The following MTERF3 variants were observed in gnomAD, a reference collection of about 807,000 sequenced individuals.
MTERF3 encodes transcription termination factor 3, mitochondrial.
MTERF3 carries 40 observed loss-of-function variants against 40.5 expected under a neutral mutation model. The ratio of observed to expected loss-of-function variants is 0.99; its 90% CI spans 0.77 to 1.29. The LOEUF (loss-of-function observed/expected upper bound fraction) is 1.29. Among genes scored for constraint, MTERF3 ranks in the 50% most tolerant of loss-of-function variants. MTERF3 has a pLI of 0.00. For synonymous variants in MTERF3, 158 were observed against 166.6 expected, an observed-to-expected ratio of 0.95 and a Z score of 0.40; for missense variants, 452 against 478.2, an observed-to-expected ratio of 0.95 and a Z score of 0.51.
At chr8:96,241,443 A>C (rs957505736) in intron 7 of MTERF3, among the ~76,000 whole-genome samples, 1 of 152,046 alleles carries the variant, frequency 6.6e-6, no homozygotes, top group African/African-American at 2.4e-5. Context: ...ACAAAAAAAA[A>C]CTATCACCCA....
chr8:96,253,838 C>A (rs1810231101), intron 3 of MTERF3, among the ~76,000 whole-genome samples: 2 of 143,224 alleles, frequency 1.4e-5, no homozygotes, highest in South Asian at 4.4e-4. Flanking sequence ...AGACCTCCCT[C>A]TATTTAAAAA....
At chr8:96,250,361 CAG>C (rs1810106678) in intron 4 of MTERF3, among the ~76,000 whole-genome samples, 1 of 143,934 alleles carries the variant, frequency 6.9e-6, no homozygotes, top group South Asian at 2.1e-4. Flanking sequence ...AAACGTATTC[CAG>C]TTTCTAAAGA....
At position 96,244,020 on chromosome 8, in the gene MTERF3, G is replaced by C. The variant is rs777379067; in HGVS notation, c.958C>G (p.Pro320Ala). The C allele has an allele frequency of 6.2e-7, 1 of 1,613,740 alleles. No individual in the cohort carries two copies. Residue 320 changes from proline to alanine, a missense_variant, in exon 7 of 8, where the codon CCA becomes GCA. Coordinates refer to ENST00000287025, the MANE Select transcript of MTERF3 (RefSeq NM_015942.5). ...NEIQHMITRIPKMLTANKMKL... is the reference protein window; with the variant it reads ...NEIQHMITRIAKMLTANKMKL... The stretch of plus-strand genomic sequence containing the variant: ...ATTTTATTTGCAGTTAACATCTTTG[G>C]GATTCTGGTGATCATATGTTGAATT...
chr8:96,255,284 G>A (rs1320508168), intron 3 of MTERF3, among the ~76,000 whole-genome samples: 1 of 152,154 alleles, frequency 6.6e-6, no homozygotes, highest in Non-Finnish European at 1.5e-5. Context: ...AATAGAGAGG[G>A]TAGAATCCAT....
intron 2 of MTERF3, 59 bp from the exon 3 acceptor site, chr8:96,257,173 A>G: frequency 3.3e-6 from 5 of 1,501,384 alleles, no homozygotes; most frequent in Non-Finnish European, 4.5e-6. Flanking sequence ...TATTTCTGCA[A>G]AGACCAGCTC....
chr8:96,261,136 C>T (rs1209053735), intron 1 of MTERF3, among the ~76,000 whole-genome samples: 3 of 152,192 alleles, frequency 2.0e-5, no homozygotes, highest in Admixed American at 2.0e-4. Flanking sequence ...AAATAGAGTT[C>T]AAGATTTCTA....
At chr8:96,258,166 G>A (rs1263650454) in intron 2 of MTERF3, 191 bp downstream of exon 2, 3 of 838,556 alleles carry the variant, frequency 3.6e-6, no homozygotes, top group Non-Finnish European at 2.9e-6. Flanking sequence ...AATCTTACAC[G>A]TTAGCCCACA....
At chr8:96,250,255 GACAAAAACT>G (rs1312457344) in intron 4 of MTERF3, among the ~76,000 whole-genome samples, 2 of 147,946 alleles carry the variant, frequency 1.4e-5, no homozygotes, top group African/African-American at 2.5e-5. Flanking sequence ...AAATTGGCCA[GACAAAAACT>G]ACAAAAACCA....
chr8:96,243,848 A>G (rs754114368), intron 7 of MTERF3, 71 bp downstream of exon 7: 39 of 1,492,974 alleles, frequency 2.6e-5, no homozygotes, highest in Non-Finnish European at 3.4e-5. Flanking sequence ...GTACAGAACT[A>G]TGCAGCTGGA....
At chr8:96,245,966 T>C (rs1457725591) in intron 5 of MTERF3, 35 bp from the exon 6 acceptor site, 2 of 1,569,226 alleles carry the variant, frequency 1.3e-6, no homozygotes, top group East Asian at 4.5e-5. Context: ...AGTATTACTA[T>C]ACGTGCATCT....
At chr8:96,250,275 C>T (rs954744462) in intron 4 of MTERF3, among the ~76,000 whole-genome samples, 5 of 149,048 alleles carry the variant, frequency 3.4e-5, no homozygotes, top group Admixed American at 6.7e-5. Flanking sequence ...ACAAAAACCA[C>T]AAAAGATCAT....
At chr8:96,246,593 A>C in intron 4 of MTERF3, 139 bp from the exon 5 acceptor site, 1 of 677,006 alleles carries the variant, frequency 1.5e-6, no homozygotes, top group Non-Finnish European at 2.2e-6. Flanking sequence ...AAATAAAAGC[A>C]TTCTGTAACA....
chr8:96,250,522 C>G lies in MTERF3; in HGVS notation c.677+384G>C, dbSNP rs570859372. ...GGTCAGGAGTTCGAGAACAGCCTGG[C>G]CAATGTGGCGAAACCCCATCTCTCC... On this transcript the variant is annotated intron_variant, in intron 4 of 7. Coordinates refer to ENST00000287025, the MANE Select transcript of MTERF3 (RefSeq NM_015942.5). Among the ~76,000 whole-genome samples, 5 of 143,050 alleles carry G rather than the reference C, an allele frequency of 3.5e-5. No homozygotes were observed. The South Asian group carries it at 6.6e-4, about 19-fold the overall frequency. 93.8% of individuals were successfully genotyped at this position (143,050 alleles called of 152,430 possible).
intron 7 of MTERF3, among the ~76,000 whole-genome samples, chr8:96,241,129 C>T (rs780659119): frequency 8.6e-5 from 13 of 151,886 alleles, no homozygotes; most frequent in East Asian, 1.9e-4. Flanking sequence ...AACTATCACC[C>T]GGCCGGGCGC....
At chr8:96,242,035 T>C (rs1809939504) in intron 7 of MTERF3, among the ~76,000 whole-genome samples, 1 of 152,238 alleles carries the variant, frequency 6.6e-6, no homozygotes, top group South Asian at 2.1e-4. Context: ...CCATTTTTAA[T>C]TAATCGTAAG....
chr8:96,259,384 A>T (rs1480939851), intron 1 of MTERF3, among the ~76,000 whole-genome samples: 1 of 130,550 alleles, frequency 7.7e-6, no homozygotes, highest in African/African-American at 3.0e-5. Flanking sequence ...AGGAGAAAAA[A>T]GCCTTCAAAA....
intron 3 of MTERF3, among the ~76,000 whole-genome samples, chr8:96,251,740 C>T (rs1440699578): frequency 6.6e-6 from 1 of 152,120 alleles, no homozygotes; most frequent in African/African-American, 2.4e-5. Flanking sequence ...TTCTTAATGG[C>T]ATCACACAGT....
rs1809879763 is a variant in MTERF3 at position 96,239,522 on chromosome 8, T to C, written c.1223A>G (p.Gln408Arg). Reference sequence around the variant, plus strand: ...CGTTTTTAAGAATTTTTCAAAGTCCTGTACTGATGCTTTGGCAATCTCTTC... The same window carrying C: ...CGTTTTTAAGAATTTTTCAAAGTCCCGTACTGATGCTTTGGCAATCTCTTC... ...FCEEIAKASV[Q>R]DFEKFLKTL Residue 408 changes from glutamine to arginine, a missense_variant, in exon 8 of 8, where the codon CAG becomes CGG. By Grantham distance (43) the Gln-to-Arg change is conservative (BLOSUM62 1). Transcript: ENST00000287025. 6.2e-7 allele frequency: 1 copy of C among 1,610,244 alleles called. No individual in the cohort carries two copies. Among genetic ancestry groups the C allele is most frequent in the Admixed American group, 1.7e-5 (1 of 58,592 alleles).
At chr8:96,246,489 CACTT>C in intron 4 of MTERF3, 35 bp from the exon 5 acceptor site, 2 of 1,536,522 alleles carry the variant, frequency 1.3e-6, no homozygotes. Flanking sequence ...ATGTGATAAA[CACTT>C]ACATTCTTTT....
Sources: allele counts gnomAD v4.1 joint callset (sites outside exome capture counted in the v4.1 genomes callset), GRCh38; gene constraint gnomAD v4.1.1; transcripts MANE v1.5; gene names NCBI Gene and HGNC (gene_info 2026-07-23, HGNC 2026-07-21).